KLF13: variants seen among roughly 807,000 people sequenced by gnomAD.
KLF13 encodes the protein KLF transcription factor 13, also known as Krueppel-like factor 13.
In KLF13, 8 loss-of-function variants were observed where a neutral mutation model predicts 16.7. The observed-to-expected ratio is 0.48, with a 90% CI of 0.28 to 0.87. The LOEUF is 0.87. Among genes scored for constraint, KLF13 ranks in the 40% least tolerant of loss-of-function variants. The pLI, the probability that KLF13 is intolerant of heterozygous loss-of-function variation, is 0.10. For synonymous variants in KLF13, 245 were observed against 208.4 expected (o/e 1.18, Z -1.51); for missense variants, 447 against 452.2 (o/e 0.99, Z 0.10).
At chr15:31,360,085 C>T (rs2039358881) in intron 1 of KLF13, among the ~76,000 whole-genome samples, 1 of 152,226 alleles carries the variant, frequency 6.6e-6, no homozygotes, top group South Asian at 2.1e-4. Flanking sequence ...GGGGTCACTC[C>T]AACCTTGAAG....
At chr15:31,360,730 C>T (rs2039370021) in intron 1 of KLF13, among the ~76,000 whole-genome samples, 1 of 152,176 alleles carries the variant, frequency 6.6e-6, no homozygotes, top group African/African-American at 2.4e-5. Flanking sequence ...TGTCTCGGCT[C>T]CCTCAAAAAC....
At chr15:31,427,338 C>CA (rs1479707487) in intron 1 of KLF13, among the ~76,000 whole-genome samples, 8 of 151,730 alleles carry the variant, frequency 5.3e-5, no homozygotes, top group African/African-American at 1.9e-4. Flanking sequence ...AAACAAAAAA[C>CA]AAAAAACAAA....
chr15:31,351,492 G>A lies in KLF13; in HGVS notation c.578-20518G>A, dbSNP rs143034699. ...TGGTCTGAGTGGTTGCCCCGTGTGCGCTTGTCTTGCACTGAGAGCTCCAGT... is the reference window on the plus strand; with the variant it reads ...TGGTCTGAGTGGTTGCCCCGTGTGCACTTGTCTTGCACTGAGAGCTCCAGT... On this transcript the variant is annotated intron_variant, in intron 1 of 1. Transcript: ENST00000307145. Among the ~76,000 whole-genome samples, 22 of 152,276 alleles carry A rather than the reference G, an allele frequency of 1.4e-4. No homozygotes were observed. The East Asian group carries it at 2.3e-3, about 16-fold the overall frequency.
At chr15:31,420,805 G>T (rs1200973094) in intron 1 of KLF13, 1 of 171,956 alleles carries the variant, frequency 5.8e-6, no homozygotes, top group African/African-American at 2.4e-5. Context: ...CGATTCTCGT[G>T]CCTCAGCCTC....
chr15:31,331,478 C>G (rs1464326139), intron 1 of KLF13, among the ~76,000 whole-genome samples: 1 of 152,178 alleles, frequency 6.6e-6, no homozygotes, highest in African/African-American at 2.4e-5. Context: ...AGACTTGTTT[C>G]CAAGCACACC....
intron 1 of KLF13, among the ~76,000 whole-genome samples, chr15:31,368,946 AT>A: frequency 6.6e-6 from 1 of 152,214 alleles, no homozygotes; most frequent in South Asian, 2.1e-4. Context: ...TTCTTTTCTG[AT>A]TTTAGTTGTC....
chr15:31,420,742 G>T (rs1208587943), intron 1 of KLF13: 29 of 248,688 alleles, frequency 1.2e-4, no homozygotes, highest in African/African-American at 5.8e-4. Flanking sequence ...GCCCAGGCTG[G>T]AGTGCAGTGG....
chr15:31,394,466 G>C (rs2039926106), intron 2 of KLF13, among the ~76,000 whole-genome samples: 1 of 150,966 alleles, frequency 6.6e-6, no homozygotes, highest in Admixed American at 6.6e-5. Context: ...CAGCCTGGGT[G>C]ACAGAGCGAG....
intron 1 of KLF13, among the ~76,000 whole-genome samples, chr15:31,341,174 C>G (rs1566806158): frequency 6.6e-6 from 1 of 152,200 alleles, no homozygotes; most frequent in African/African-American, 2.4e-5. Flanking sequence ...TCTTTGTTAT[C>G]TAAACAGAGG....
At chr15:31,355,574 G>C (rs1287638221) in intron 1 of KLF13, among the ~76,000 whole-genome samples, 4 of 152,052 alleles carry the variant, frequency 2.6e-5, no homozygotes, top group Admixed American at 2.0e-4. Context: ...TGCTCATAGG[G>C]GCTCTTCTTG....
chr15:31,358,970 G>C (rs1244873965), intron 1 of KLF13, among the ~76,000 whole-genome samples: 2 of 152,250 alleles, frequency 1.3e-5, no homozygotes, highest in African/African-American at 4.8e-5. Flanking sequence ...ACCGTGCTCA[G>C]GGAAGATGCT....
At chr15:31,378,050 T>C (rs1394916732), downstream of KLF13, among the ~76,000 whole-genome samples, 1 of 152,148 alleles carries the variant, frequency 6.6e-6, no homozygotes, top group African/African-American at 2.4e-5. Flanking sequence ...AGGAAGGCTT[T>C]GCAGAAGAGC....
chr15:31,388,765 C>CAAAAAAAAAA (rs11310230), upstream of KLF13, among the ~76,000 whole-genome samples: 1 of 106,222 alleles, frequency 9.4e-6, no homozygotes, highest in African/African-American at 3.9e-5. Context: ...TAAAAAATCC[C>CAAAAAAAAAA]AAAAAAAAAA....
At chr15:31,419,800 A>G (rs1400670686) in intron 1 of KLF13, among the ~76,000 whole-genome samples, 8 of 152,226 alleles carry the variant, frequency 5.3e-5, no homozygotes, top group African/African-American at 1.9e-4. Flanking sequence ...GAAAATGGAC[A>G]TCCAAATTCT....
chr15:31,329,575 C>T lies in KLF13; in HGVS notation c.577+1786C>T, dbSNP rs1023198991. ...ATGTCTTCCTGGTGGGTTCATCTCC[C>T]GCTTCAGGCTCTGGCCCCGCGCGAG... On this transcript the variant is annotated intron_variant, in intron 1 of 1. Coordinates refer to ENST00000307145, the MANE Select transcript of KLF13 (RefSeq NM_015995.4). 3.5e-4 allele frequency among the ~76,000 whole-genome samples: 54 copies of T among 152,168 alleles called. 1 individual carries two copies. The highest frequency in any genetic ancestry group is 2.2e-4 in the African/African-American group (9 of 41,432).
At chr15:31,363,290 A>G (rs763391556) in intron 1 of KLF13, among the ~76,000 whole-genome samples, 27 of 152,128 alleles carry the variant, frequency 1.8e-4, no homozygotes, top group Non-Finnish European at 7.4e-5. Flanking sequence ...TTCCTTTTTT[A>G]TGAATGGGCT....
intron 1 of KLF13, among the ~76,000 whole-genome samples, chr15:31,383,373 C>G (rs1332982063): frequency 6.6e-6 from 1 of 152,190 alleles, no homozygotes; most frequent in East Asian, 1.9e-4. Context: ...TTGGGAAGAC[C>G]AGCTACTAGT....
chr15:31,369,006 T>C (rs140409252), intron 1 of KLF13, among the ~76,000 whole-genome samples: 142 of 152,298 alleles, frequency 9.3e-4, no homozygotes, highest in African/African-American at 3.3e-3. Context: ...TGTTTCTTGA[T>C]TTATCAAATT....
chr15:31,403,105 T>C (rs2040064426), intron 2 of KLF13, among the ~76,000 whole-genome samples: 1 of 152,218 alleles, frequency 6.6e-6, no homozygotes, highest in East Asian at 1.9e-4. Context: ...CAGTTCCAAC[T>C]GTCAGTCTAT....
Sources: allele counts gnomAD v4.1 joint callset (sites outside exome capture counted in the v4.1 genomes callset), GRCh38; gene constraint gnomAD v4.1.1; transcripts MANE v1.5; gene names NCBI Gene and HGNC (gene_info 2026-07-23, HGNC 2026-07-21).